Variants in MGST2 observed in about 807,000 individuals in gnomAD.
The protein encoded by MGST2 is glutathione peroxidase MGST2.
MGST2 carries 9 observed loss-of-function variants against 16.6 expected under a neutral mutation model. The observed-to-expected ratio is 0.54, with a 90% CI of 0.33 to 0.95. The LOEUF is 0.95. MGST2 is among the 40% of genes least tolerant of loss of function. The pLI, the probability that MGST2 is intolerant of heterozygous loss-of-function variation, is 0.03. For missense variants in MGST2, 159 were observed against 175.1 expected, an observed-to-expected ratio of 0.91 and a Z score of 0.52; for synonymous variants, 79 against 68.0, an observed-to-expected ratio of 1.16 and a Z score of -0.79.
intron 2 of MGST2, among the ~76,000 whole-genome samples, chr4:139,692,646 T>C (rs940041682): frequency 6.6e-6 from 1 of 152,262 alleles, no homozygotes; most frequent in African/African-American, 2.4e-5. Flanking sequence ...GCATCTGTTC[T>C]GGTCTCTGGT....
At chr4:139,719,681 G>A (rs1185767455) in intron 5 of MGST2, 3 of 1,613,324 alleles carry the variant, frequency 1.9e-6, no homozygotes, top group African/African-American at 1.3e-5. Context: ...TGGGTTGAGG[G>A]TCCTCACTGT....
At chr4:139,754,573 T>C in the MGST2 span, among the ~76,000 whole-genome samples, 51 of 152,260 alleles carry the variant, frequency 3.3e-4, no homozygotes, top group Admixed American at 3.3e-3. Flanking sequence ...TAAACTTTTA[T>C]GTATATCTCT....
At chr4:139,753,455 T>C in the MGST2 span, among the ~76,000 whole-genome samples, 5 of 152,250 alleles carry the variant, frequency 3.3e-5, no homozygotes, top group Middle Eastern at 3.4e-3. Flanking sequence ...ATGTGATTAA[T>C]ATGCATGATG....
At chr4:139,696,443 G>A (rs531920266) in intron 3 of MGST2, among the ~76,000 whole-genome samples, 1 of 152,310 alleles carries the variant, frequency 6.6e-6, no homozygotes, top group African/African-American at 2.4e-5. Flanking sequence ...CTGCCAGATT[G>A]TCTAATGTCA....
At position 139,738,172 on chromosome 4, in the gene MGST2, G is replaced by A. The variant is rs72946557; in HGVS notation, c.*49-2040G>A. Among the ~76,000 whole-genome samples, 1,072 of 152,358 alleles carry A rather than the reference G, an allele frequency of 7.0e-3. 10 individuals carry two copies. Among genetic ancestry groups the A allele is most frequent in the African/African-American group, 0.024 (1,005 of 41,586 alleles). On this transcript the variant is annotated intron_variant, in intron 5 of 5. Coordinates refer to the MGST2 transcript ENST00000616265. ...CTTACTGCCGAAACCTCTTGATCAT[G>A]CAGGGCATCCTTCAGGGTGAGGGAA... is the stretch of plus-strand genomic sequence containing the variant.
intron 5 of MGST2, chr4:139,717,928 A>C (rs1728057243): frequency 6.6e-6 from 1 of 152,174 alleles, no homozygotes; most frequent in Admixed American, 6.5e-5. Context: ...ACTGTACAGG[A>C]CTTTGGAAGA....
At chr4:139,680,400 G>T (rs568785550) in intron 2 of MGST2, among the ~76,000 whole-genome samples, 1 of 151,766 alleles carries the variant, frequency 6.6e-6, no homozygotes, top group African/African-American at 2.4e-5. Context: ...ATCTCCTTTC[G>T]TTACATTCAA....
At chr4:139,750,648 C>A in the MGST2 span, among the ~76,000 whole-genome samples, 1 of 152,208 alleles carries the variant, frequency 6.6e-6, no homozygotes, top group East Asian at 1.9e-4. Context: ...TACCCTCCTG[C>A]AGCTGATAAA....
At chr4:139,707,125 T>C (rs535761859), downstream of MGST2, among the ~76,000 whole-genome samples, 46 of 152,256 alleles carry the variant, frequency 3.0e-4, 1 homozygote, top group Admixed American at 2.5e-3. Flanking sequence ...TATGTATACA[T>C]GTGCCATGTT....
Position 139,700,744 on chromosome 4 carries a change from G to C in MGST2, c.230-2711G>C, listed in dbSNP as rs191636961. Reference sequence around the variant, plus strand: ...CAAACATCCACTTTCTATTTGACTGGGGTATCCTTGGTGAGCTGAGGGCTT... The same window carrying C: ...CAAACATCCACTTTCTATTTGACTGCGGTATCCTTGGTGAGCTGAGGGCTT... On this transcript the variant is annotated intron_variant, in intron 3 of 4. Transcript: ENST00000265498. Among the ~76,000 whole-genome samples, 6 of 152,252 alleles carry C rather than the reference G, an allele frequency of 3.9e-5. No individual in the cohort carries two copies. The East Asian group carries it at 1.2e-3, about 29-fold the overall frequency.
intron 2 of MGST2, among the ~76,000 whole-genome samples, chr4:139,686,000 T>C (rs1731541693): frequency 6.6e-6 from 1 of 152,218 alleles, no homozygotes; most frequent in Non-Finnish European, 1.5e-5. Context: ...TGAGTGATCA[T>C]AGCCCATGCC....
chr4:139,678,385 A>C (rs552525611), intron 1 of MGST2, among the ~76,000 whole-genome samples, 158 bp from the exon 2 acceptor site: 2 of 152,148 alleles, frequency 1.3e-5, no homozygotes, highest in Non-Finnish European at 2.9e-5. Context: ...AGTTGCTCTC[A>C]TATCCTCTCC....
At chr4:139,721,216 A>C (rs916685199) in intron 5 of MGST2, among the ~76,000 whole-genome samples, 1 of 152,342 alleles carries the variant, frequency 6.6e-6, no homozygotes, top group African/African-American at 2.4e-5. Context: ...GTCCATACCA[A>C]GTCATTCAAC....
At chr4:139,736,626 T>C (rs1728958409) in intron 5 of MGST2, among the ~76,000 whole-genome samples, 1 of 152,178 alleles carries the variant, frequency 6.6e-6, no homozygotes, top group African/African-American at 2.4e-5. Flanking sequence ...GTATGGGCAA[T>C]TTGGGAAAAA....
At chr4:139,711,013 CTT>C (rs76195730) in intron 5 of MGST2, among the ~76,000 whole-genome samples, 11 of 141,480 alleles carry the variant, frequency 7.8e-5, no homozygotes, top group Admixed American at 2.1e-4. Flanking sequence ...TTATTTTTCC[CTT>C]TTTTTTTTTT....
downstream of MGST2, among the ~76,000 whole-genome samples, chr4:139,744,034 T>A (rs1289625894): frequency 6.6e-6 from 1 of 152,220 alleles, no homozygotes; most frequent in Non-Finnish European, 1.5e-5. Flanking sequence ...TCACTCTTAG[T>A]ACCTCTCAGA....
chr4:139,669,157 T>C (rs1730531100), intron 1 of MGST2, among the ~76,000 whole-genome samples: 1 of 152,036 alleles, frequency 6.6e-6, no homozygotes, highest in Non-Finnish European at 1.5e-5. Context: ...CCTGAACTCG[T>C]TTTTTAGGTT....
downstream of MGST2, among the ~76,000 whole-genome samples, chr4:139,745,322 A>T (rs1729287158): frequency 1.3e-5 from 2 of 152,204 alleles, no homozygotes; most frequent in South Asian, 4.1e-4. Context: ...TAAAGGGAAT[A>T]AACGCTAAAT....
At chr4:139,701,000 G>A (rs1378600062) in intron 3 of MGST2, among the ~76,000 whole-genome samples, 1 of 152,172 alleles carries the variant, frequency 6.6e-6, no homozygotes, top group Non-Finnish European at 1.5e-5. Flanking sequence ...ATGTCCTTTA[G>A]AGAAAGACTT....
Sources: allele counts gnomAD v4.1 joint callset (sites outside exome capture counted in the v4.1 genomes callset), GRCh38; gene constraint gnomAD v4.1.1; transcripts MANE v1.5; gene names NCBI Gene and HGNC (gene_info 2026-07-23, HGNC 2026-07-21).